Variants in LRRN2 observed in about 807,000 individuals in gnomAD.
LRRN2 encodes leucine rich repeat neuronal 2, also known as leucine-rich repeat neuronal protein 2.
In LRRN2, 10 loss-of-function variants were observed where a neutral mutation model predicts 35.7. That is an observed-to-expected ratio of 0.28 (90% CI 0.17 to 0.47). The LOEUF is 0.47. LRRN2 is among the 20% of genes least tolerant of loss of function. The probability of loss-of-function intolerance (pLI) is 0.99; values close to 1 mark genes in which losing one functional copy is unlikely to be tolerated. For missense variants in LRRN2, 731 were observed against 940.3 expected (o/e 0.78, Z 2.91); for synonymous variants, 391 against 409.6 (o/e 0.95, Z 0.55).
chr1:204,666,358 G>A (rs1205806371), intron 1 of LRRN2, among the ~76,000 whole-genome samples: 2 of 152,358 alleles, frequency 1.3e-5, no homozygotes, highest in African/African-American at 2.4e-5. Context: ...CACCTACTAT[G>A]TGTAAAACAC....
rs754882816 is a variant in LRRN2 at position 204,618,752 on chromosome 1, C to T, written c.1241G>A (p.Arg414Gln). ...GGGCAAACAGTGGTCCGTCATCTCCCGGAAGGGCACCTCACGGACCGGGAG... is the reference window on the plus strand; with the variant it reads ...GGGCAAACAGTGGTCCGTCATCTCCTGGAAGGGCACCTCACGGACCGGGAG... The part of the protein sequence containing the change: ...QRLPVREVPF[R>Q]EMTDHCLPLI... Residue 414 changes from arginine (R) to glutamine (Q), a missense_variant, in exon 2 of 2, where the codon CGG (arginine) becomes CAG (glutamine). Arg to Gln is a conservative substitution (Grantham distance 43). Coordinates refer to ENST00000367177, the MANE Select transcript of LRRN2 (RefSeq NM_201630.2). 21 of 1,611,888 alleles carry T rather than the reference C, an allele frequency of 1.3e-5. No individual in the cohort carries two copies. Among genetic ancestry groups the T allele is most frequent in the East Asian group, 6.7e-5 (3 of 44,846 alleles).
intron 1 of LRRN2, among the ~76,000 whole-genome samples, chr1:204,656,411 C>T (rs960562548): frequency 6.6e-6 from 1 of 152,182 alleles, no homozygotes; most frequent in Admixed American, 6.5e-5. Context: ...CATTTTGATG[C>T]ATATCTTTTC....
intron 1 of LRRN2, among the ~76,000 whole-genome samples, chr1:204,642,456 C>T (rs1668001858): frequency 6.6e-6 from 1 of 152,230 alleles, no homozygotes; most frequent in Non-Finnish European, 1.5e-5. Context: ...CCCCAGGCAG[C>T]CTGCCTCCCG....
At chr1:204,664,533 A>G (rs1668536720) in intron 1 of LRRN2, 1 of 151,838 alleles carries the variant, frequency 6.6e-6, no homozygotes, top group Non-Finnish European at 1.5e-5. Context: ...TTTAAAACCA[A>G]CCTCATCCCT....
At chr1:204,656,439 A>G (rs558302563) in intron 1 of LRRN2, among the ~76,000 whole-genome samples, 62 of 152,344 alleles carry the variant, frequency 4.1e-4, no homozygotes, top group African/African-American at 1.5e-3. Context: ...TTCTTATGAT[A>G]GTAAATATTC....
intron 1 of LRRN2, among the ~76,000 whole-genome samples, chr1:204,657,898 G>T: frequency 7.1e-6 from 1 of 140,360 alleles, no homozygotes; most frequent in African/African-American, 2.7e-5. Context: ...TTTATTTATT[G>T]TTTATTTTGG....
chr1:204,656,295 T>A (rs1668354560), intron 1 of LRRN2, among the ~76,000 whole-genome samples: 1 of 152,194 alleles, frequency 6.6e-6, no homozygotes, highest in Non-Finnish European at 1.5e-5. Flanking sequence ...TAGTAACTGG[T>A]AGGTACAGTA....
intron 1 of LRRN2, among the ~76,000 whole-genome samples, chr1:204,635,708 A>G (rs1026550238): frequency 6.6e-6 from 1 of 152,216 alleles, no homozygotes; most frequent in African/African-American, 2.4e-5. Context: ...GCAGTGGAAA[A>G]GGGCAGCTGA....
At chr1:204,664,104 C>T (rs1288004492) in intron 1 of LRRN2, 1 of 152,174 alleles carries the variant, frequency 6.6e-6, no homozygotes, top group Non-Finnish European at 1.5e-5. Flanking sequence ...GCAGCCTAGG[C>T]CCCACAAAAT....
intron 1 of LRRN2, among the ~76,000 whole-genome samples, chr1:204,657,341 TACACACAC>T (rs34779515): frequency 2.0e-5 from 3 of 146,952 alleles, no homozygotes; most frequent in African/African-American, 7.6e-5. Context: ...TATGTATATA[TACACACAC>T]ACACACACAC....
intron 1 of LRRN2, among the ~76,000 whole-genome samples, chr1:204,642,470 C>G (rs1668002465): frequency 6.6e-6 from 1 of 152,224 alleles, no homozygotes; most frequent in Non-Finnish European, 1.5e-5. Flanking sequence ...CCTCCCGGCT[C>G]TGCGCTCCCA....
At chr1:204,646,351 G>A (rs1447733470) in intron 1 of LRRN2, among the ~76,000 whole-genome samples, 1 of 152,068 alleles carries the variant, frequency 6.6e-6, no homozygotes, top group Admixed American at 6.6e-5. Context: ...TTTTCGTTTA[G>A]TTTTTAGTGA....
chr1:204,652,271 G>GCCCCCCCGCCC lies in LRRN2; in HGVS notation c.-226-32054_-226-32053insGGGCGGGGGGG, dbSNP rs1301402688. Among the ~76,000 whole-genome samples the GCCCCCCCGCCC allele has an allele frequency of 2.7e-4, 19 of 70,630 alleles. No individual in the cohort carries two copies. In the East Asian group the frequency reaches 5.0e-3, roughly 19 times the overall value. The allele number at this position is 70,630 out of a possible 152,430, so 46.3% of individuals were successfully genotyped here. Reference sequence around the variant, plus strand: ...CTCTCCTCTTCACCGCCCCCCCCCCGCCCCCCCGCCGCCTTCCTCCTTGCC... The same window carrying GCCCCCCCGCCC: ...CTCTCCTCTTCACCGCCCCCCCCCCGCCCCCCCGCCCCCCCCCCGCCGCCTTCCTCCTTGCC... On this transcript the variant is annotated intron_variant, in intron 1 of 1. Transcript: ENST00000367177.
chr1:204,624,770 A>C (rs1272412955), intron 1 of LRRN2, among the ~76,000 whole-genome samples: 3 of 79,552 alleles, frequency 3.8e-5, no homozygotes, highest in African/African-American at 4.4e-5. Flanking sequence ...CCCCCCCGGG[A>C]GCTGAGGGTC....
intron 1 of LRRN2, among the ~76,000 whole-genome samples, chr1:204,635,697 T>G (rs896414895): frequency 2.6e-5 from 4 of 152,206 alleles, no homozygotes; most frequent in East Asian, 1.9e-4. Context: ...TGTCTTAAAG[T>G]GCAGTGGAAA....
intron 1 of LRRN2, among the ~76,000 whole-genome samples, chr1:204,672,804 C>T (rs1272198790): frequency 6.6e-6 from 1 of 152,198 alleles, no homozygotes; most frequent in Non-Finnish European, 1.5e-5. Context: ...CACCGGCCCC[C>T]TCAAGCCTCA....
intron 1 of LRRN2, among the ~76,000 whole-genome samples, chr1:204,655,876 C>T (rs968097532): frequency 6.6e-6 from 1 of 152,142 alleles, no homozygotes; most frequent in African/African-American, 2.4e-5. Context: ...GCTCCACGCT[C>T]CATATCTTTC....
At position 204,617,457 on chromosome 1, in the gene LRRN2, GGAGGCACAA is replaced by G. The variant is rs1475825092; in HGVS notation, c.*385_*393del. 5.2e-6 allele frequency: 1 copy of G among 191,964 alleles called. No homozygotes were observed. The highest frequency in any genetic ancestry group is 2.4e-5 in the African/African-American group (1 of 42,066). 11.9% of individuals were successfully genotyped at this position (191,964 alleles called of 1,614,324 possible). ...AGTGGCCTCCTTCAGCCCTTGCCCAGGAGGCACAAGAGCAAGCAACTGAGACTGTACAGA... is the reference window on the plus strand; with the variant it reads ...AGTGGCCTCCTTCAGCCCTTGCCCAGGAGCAAGCAACTGAGACTGTACAGA... On this transcript the variant is annotated 3_prime_UTR_variant, in exon 2 of 2. Transcript: ENST00000367177.
chr1:204,674,719 G>GTGGC (rs1234410872), intron 1 of LRRN2, among the ~76,000 whole-genome samples: 10 of 152,180 alleles, frequency 6.6e-5, no homozygotes, highest in Non-Finnish European at 1.3e-4. Context: ...CTCAGAGCAG[G>GTGGC]TGGCTGTGAG....
Sources: allele counts gnomAD v4.1 joint callset (sites outside exome capture counted in the v4.1 genomes callset), GRCh38; gene constraint gnomAD v4.1.1; transcripts MANE v1.5; gene names NCBI Gene and HGNC (gene_info 2026-07-23, HGNC 2026-07-21).